KCTD2: variants seen among roughly 807,000 people sequenced by gnomAD.
The protein encoded by KCTD2 is BTB/POZ domain-containing protein KCTD2.
Under a neutral mutation model 27.9 loss-of-function variants are expected in KCTD2, and 18 were observed. The observed-to-expected ratio is 0.64, with a 90% confidence interval of 0.45 to 0.96. The LOEUF is 0.96. Ranked by LOEUF, KCTD2 falls within the 40% of genes least tolerant of loss-of-function variation. The pLI, the probability that KCTD2 is intolerant of heterozygous loss-of-function variation, is 0.00. For missense variants in KCTD2, 280 were observed against 348.0 expected (o/e 0.80, Z 1.56); for synonymous variants, 175 against 148.4 (o/e 1.18, Z -1.30).
At chr17:75,041,944 C>T (rs980145449) in intron 3 of KCTD2, 3 of 437,490 alleles carry the variant, frequency 6.9e-6, no homozygotes, top group Non-Finnish European at 8.1e-6. Context: ...AACTCCTGTG[C>T]TGATCAGAAA....
intron 1 of KCTD2, among the ~76,000 whole-genome samples, chr17:75,048,409 A>C (rs2073250725): frequency 6.6e-6 from 1 of 152,220 alleles, no homozygotes; most frequent in Non-Finnish European, 1.5e-5. Flanking sequence ...TATCCCATAT[A>C]GCACTCAGCT....
At chr17:75,061,911 C>A (rs544488718) in intron 4 of KCTD2, among the ~76,000 whole-genome samples, 20 of 152,242 alleles carry the variant, frequency 1.3e-4, no homozygotes, top group African/African-American at 4.6e-4. Context: ...AGCTCATACT[C>A]TTCCTCCTGG....
At chr17:75,060,520 C>T in intron 4 of KCTD2, 1 of 1,612,582 alleles carries the variant, frequency 6.2e-7, no homozygotes, top group South Asian at 1.1e-5. Flanking sequence ...CAGCCAAGAC[C>T]AGCTGCTCTT....
intron 3 of KCTD2, among the ~76,000 whole-genome samples, chr17:75,054,455 A>G (rs1461031188): frequency 2.0e-5 from 3 of 152,164 alleles, no homozygotes; most frequent in Non-Finnish European, 4.4e-5. Context: ...AATGGCCATA[A>G]TAGCTTCTAT....
At chr17:75,035,179 G>T (rs541250483) in intron 2 of KCTD2, 1 of 152,080 alleles carries the variant, frequency 6.6e-6, no homozygotes, top group Non-Finnish European at 1.5e-5. Flanking sequence ...GAGTCCCTTC[G>T]TGGTCGGAAC....
At chr17:75,051,136 G>C (rs2073280541) in intron 2 of KCTD2, among the ~76,000 whole-genome samples, 1 of 151,418 alleles carries the variant, frequency 6.6e-6, no homozygotes, top group Non-Finnish European at 1.5e-5. Context: ...ACCACACCCA[G>C]TTAATTTTTT....
chr17:75,059,537 C>T lies in KCTD2; in HGVS notation c.568C>T (p.Leu190=), dbSNP rs755797949. The change falls in exon 4 of 6, where the codon CTG becomes TTG. Residue 190 remains leucine (L), a synonymous_variant. Coordinates refer to ENST00000322444, the MANE Select transcript of KCTD2 (RefSeq NM_015353.3). Reference sequence around the variant, plus strand: ...CCCCGTGAAGCACGTGTACAGAGTCCTGCAGTGTCAGGAAGAAGAGCTCAC... The same window carrying T: ...CCCCGTGAAGCACGTGTACAGAGTCTTGCAGTGTCAGGAAGAAGAGCTCAC... ...QGPVKHVYRV[L]QCQEEELTQM... The T allele has an allele frequency of 1.9e-6, 3 of 1,614,050 alleles. No homozygotes were observed. Among genetic ancestry groups the T allele is most frequent in the Middle Eastern group, 3.3e-4 (2 of 6,060 alleles).
Position 75,032,680 on chromosome 17 carries a change from G to A in KCTD2, c.-514G>A, listed in dbSNP as rs1329508464. The A allele has an allele frequency of 1.3e-5, 2 of 152,238 alleles. No homozygotes were observed. The highest frequency in any genetic ancestry group is 2.9e-5 in the Non-Finnish European group (2 of 68,118). 9.4% of individuals were successfully genotyped at this position (152,238 alleles called of 1,614,324 possible). The stretch of plus-strand genomic sequence containing the variant: ...TTAGAGCTGTAAGATCCAAGACCCA[G>A]GGAGACAAGAGGACCCTGGGGACGA... On this transcript the variant is annotated 5_prime_UTR_variant, in exon 1 of 8. Coordinates refer to the KCTD2 transcript ENST00000581589. The surrounding 1 kb of genome is among the most constrained non-coding windows in gnomAD (Gnocchi z 4.8).
intron 4 of KCTD2, among the ~76,000 whole-genome samples, chr17:75,060,960 C>T (rs2073398843): frequency 6.6e-6 from 1 of 152,218 alleles, no homozygotes; most frequent in African/African-American, 2.4e-5. Context: ...GTCTGTCATC[C>T]TGGTTCTTAC....
intron 4 of KCTD2, among the ~76,000 whole-genome samples, chr17:75,061,691 TC>T (rs2073404851): frequency 1.3e-5 from 2 of 152,276 alleles, no homozygotes; most frequent in Admixed American, 1.3e-4. Context: ...CAGTAGCTGA[TC>T]AGTGATTGGC....
At chr17:75,051,222 C>T (rs1275531408) in intron 2 of KCTD2, among the ~76,000 whole-genome samples, 1 of 151,252 alleles carries the variant, frequency 6.6e-6, no homozygotes, top group Non-Finnish European at 1.5e-5. Context: ...TTGTGATCTG[C>T]CTGCCTCAGC....
Position 75,053,003 on chromosome 17 carries a change from C to T in KCTD2, c.449-11C>T. 1.2e-6 allele frequency: 2 copies of T among 1,612,608 alleles called. No individual in the cohort carries two copies. Among genetic ancestry groups the T allele is most frequent in the Non-Finnish European group, 1.7e-6 (2 of 1,178,608 alleles). ...CGCACCTATCTGACTGCAGTTTTGT[C>T]CTTGTTCCAGGTGTGCTGGAGGAAG... On this transcript the variant is annotated splice_polypyrimidine_tract_variant and intron_variant, in intron 2 of 5. Coordinates refer to ENST00000322444, the MANE Select transcript of KCTD2 (RefSeq NM_015353.3).
At chr17:75,042,515 A>G (rs139430113), upstream of KCTD2, 259 of 1,602,284 alleles carry the variant, frequency 1.6e-4, 2 homozygotes, top group East Asian at 5.7e-3. Context: ...GTTCCCTCTC[A>G]GAAACATACT....
At position 75,062,077 on chromosome 17, in the gene KCTD2, T is replaced by G. The variant is rs370063205; in HGVS notation, c.637-43T>G. The G allele has an allele frequency of 5.0e-6, 8 of 1,611,548 alleles. No homozygotes were observed. In the African/African-American group the frequency reaches 1.1e-4, roughly 22 times the overall value. On this transcript the variant is annotated intron_variant, in intron 4 of 5. Transcript: ENST00000322444. ...TTGTGTAGCACTTTCGAAAGTATGT[T>G]AAGATTGCCACATGAATGTTCACTG...
At chr17:75,045,121 C>T (rs1042912483), upstream of KCTD2, among the ~76,000 whole-genome samples, 2 of 152,230 alleles carry the variant, frequency 1.3e-5, no homozygotes, top group Non-Finnish European at 1.5e-5. Flanking sequence ...AGACATCACA[C>T]GTTGGTAGGA....
intron 2 of KCTD2, among the ~76,000 whole-genome samples, chr17:75,052,567 C>T (rs554790322): frequency 2.0e-5 from 3 of 152,270 alleles, no homozygotes; most frequent in African/African-American, 7.2e-5. Context: ...ACTAAAAATA[C>T]AAAAAATTAG....
rs1438736297 is a variant in KCTD2, at chr17:75,059,556, A to G, written c.587A>G (p.Glu196Gly). Residue 196 changes from glutamate to glycine, a missense_variant, in exon 4 of 6, where the codon GAG becomes GGG. Transcript: ENST00000322444. ...AGAGTCCTGCAGTGTCAGGAAGAAG[A>G]GCTCACGCAGATGGTGTCCACGATG... ...VYRVLQCQEE[E>G]LTQMVSTMSD... The G allele has an allele frequency of 6.2e-7, 1 of 1,614,156 alleles. No homozygotes were observed.
In KCTD2 at chr17:75,047,276, C is replaced by T; in HGVS notation, c.26C>T (p.Ala9Val). The T allele has an allele frequency of 1.1e-6, 1 of 927,156 alleles. No individual in the cohort carries two copies. Among genetic ancestry groups the T allele is most frequent in the Non-Finnish European group, 1.3e-6 (1 of 765,884 alleles). The allele number at this position is 927,156 out of a possible 1,614,324, so 57.4% of individuals were successfully genotyped here. A position where few individuals can be genotyped will look rare whatever the true frequency, so the allele number is the denominator to read the frequency against. Residue 9 changes from alanine (A) to valine (V), a missense_variant, in exon 1 of 6, where the codon GCG (alanine) becomes GTG (valine). Transcript: ENST00000322444. Reference sequence around the variant, plus strand: ...ATGGCGGAACTGCAGCTGGACCCGGCGATGGCGGGGCTGGGAGGGGGCGGC... The same window carrying T: ...ATGGCGGAACTGCAGCTGGACCCGGTGATGGCGGGGCTGGGAGGGGGCGGC... MAELQLDP[A>V]MAGLGGGGGS...
chr17:75,062,930 C>T, intron 5 of KCTD2, 88 bp from the exon 6 acceptor site: 1 of 1,376,220 alleles, frequency 7.3e-7, no homozygotes, highest in East Asian at 2.3e-5. Context: ...GACCATCATG[C>T]CACTCATCGG....
Sources: allele counts gnomAD v4.1 joint callset (sites outside exome capture counted in the v4.1 genomes callset), GRCh38; gene constraint gnomAD v4.1.1; non-coding constraint Gnocchi (gnomAD v3.1); transcripts MANE v1.5; gene names NCBI Gene and HGNC (gene_info 2026-07-23, HGNC 2026-07-21).